NHLRC2: variants seen among roughly 807,000 people sequenced by gnomAD.
The protein encoded by NHLRC2 is NHL repeat containing 2.
NHLRC2 carries 33 observed loss-of-function variants against 68.1 expected under a neutral mutation model. The observed-to-expected ratio is 0.48, with a 90% CI of 0.37 to 0.65. The LOEUF (loss-of-function observed/expected upper bound fraction) is 0.65, where lower values mean the gene tolerates loss of function less well. Among genes scored for constraint, NHLRC2 ranks in the 30% least tolerant of loss-of-function variants. The probability of loss-of-function intolerance (pLI) is 0.00; values close to 1 mark genes in which losing one functional copy is unlikely to be tolerated. For synonymous variants in NHLRC2, 311 were observed against 309.6 expected (o/e 1.00, Z -0.05); for missense variants, 761 against 853.8 (o/e 0.89, Z 1.35).
chr10:113,854,827 G>A lies in NHLRC2; in HGVS notation c.-46G>A, dbSNP rs1263872833. 6.6e-7 allele frequency: 1 copy of A among 1,506,428 alleles called. No homozygotes were observed. The highest frequency in any genetic ancestry group is 1.4e-5 in the African/African-American group (1 of 71,732). The allele number at this position is 1,506,428 out of a possible 1,614,324, so 93.3% of individuals were successfully genotyped here. The stretch of plus-strand genomic sequence containing the variant: ...GTGAACGTTTCGTCTCTCCCAGCGA[G>A]ACTCTCCCGCGGGCCCGGCGGCCGC... On this transcript the variant is annotated 5_prime_UTR_variant, in exon 1 of 11. Transcript: ENST00000369301.
At chr10:113,891,681 T>G (rs900687204) in intron 5 of NHLRC2, among the ~76,000 whole-genome samples, 10 of 152,206 alleles carry the variant, frequency 6.6e-5, no homozygotes, top group Non-Finnish European at 1.3e-4. Context: ...CCCTGTACAA[T>G]GAAGCCACAT....
chr10:113,902,669 C>T (rs879637169), intron 8 of NHLRC2, 76 bp downstream of exon 8: 4 of 1,187,198 alleles, frequency 3.4e-6, no homozygotes, highest in Non-Finnish European at 4.9e-6. Flanking sequence ...CTGTGAGCCT[C>T]CTACAACTGC....
intron 10 of NHLRC2, among the ~76,000 whole-genome samples, 165 bp from the exon 11 acceptor site, chr10:113,908,115 C>T (rs1846291728): frequency 6.6e-6 from 1 of 152,034 alleles, no homozygotes; most frequent in Non-Finnish European, 1.5e-5. Flanking sequence ...AATGAGTGGT[C>T]AGTATATGTT....
At chr10:113,858,247 A>G (rs541148242) in intron 1 of NHLRC2, among the ~76,000 whole-genome samples, 1 of 151,344 alleles carries the variant, frequency 6.6e-6, no homozygotes, top group Admixed American at 6.6e-5. Context: ...TGGGCTTTTA[A>G]TCTCTGCTAA....
intron 5 of NHLRC2, among the ~76,000 whole-genome samples, chr10:113,887,451 A>G (rs1389457844): frequency 6.6e-6 from 1 of 152,204 alleles, no homozygotes; most frequent in Non-Finnish European, 1.5e-5. Flanking sequence ...CCAAGTGTCC[A>G]TCAGTGGATG....
Position 113,908,567 on chromosome 10 carries a change from C to G in NHLRC2, c.*31C>G. On this transcript the variant is annotated 3_prime_UTR_variant, in exon 11 of 11. Coordinates refer to ENST00000369301, the MANE Select transcript of NHLRC2 (RefSeq NM_198514.4). ...CAGCTAGCTAGCAACCCATTGCCAC[C>G]ACCTACTGTCTCCCATCCTGACTAT... 1 of 1,610,356 alleles carries G rather than the reference C, an allele frequency of 6.2e-7. No homozygotes were observed. Among genetic ancestry groups the G allele is most frequent in the Non-Finnish European group, 8.5e-7 (1 of 1,177,510 alleles).
chr10:113,857,488 A>G (rs1447563086), intron 1 of NHLRC2, among the ~76,000 whole-genome samples: 1 of 152,142 alleles, frequency 6.6e-6, no homozygotes, highest in Admixed American at 6.5e-5. Context: ...ATTGAGTAAC[A>G]ACAGTTATTG....
Position 113,854,689 on chromosome 10 carries a change from C to T in NHLRC2, c.-184C>T. Reference sequence around the variant, plus strand: ...TTAATTACGTCCCCGGGAACTGCGCCGATTTGGACTTTTGGCACTTGGACC... The same window carrying T: ...TTAATTACGTCCCCGGGAACTGCGCTGATTTGGACTTTTGGCACTTGGACC... On this transcript the variant is annotated 5_prime_UTR_variant, in exon 1 of 11. Coordinates refer to ENST00000369301, the MANE Select transcript of NHLRC2 (RefSeq NM_198514.4). The T allele has an allele frequency of 3.5e-6, 2 of 567,748 alleles. No individual in the cohort carries two copies. Among genetic ancestry groups the T allele is most frequent in the Non-Finnish European group, 6.2e-6 (2 of 324,822 alleles). 35.2% of individuals were successfully genotyped at this position (567,748 alleles called of 1,614,324 possible). A position where few individuals can be genotyped will look rare whatever the true frequency, so the allele number is the denominator to read the frequency against.
Position 113,915,810 on chromosome 10 carries a change from T to TA in NHLRC2, c.*7278dup. On this transcript the variant is annotated 3_prime_UTR_variant, in exon 11 of 11. Coordinates refer to ENST00000369301, the MANE Select transcript of NHLRC2 (RefSeq NM_198514.4). ...TGCCACCACACCTGGCTAATTTTTT[T>TA]AAAATTTTTTGTAGAGATGGGGACT... is the stretch of plus-strand genomic sequence containing the variant. The TA allele has an allele frequency of 6.6e-6, 1 of 152,598 alleles. No individual in the cohort carries two copies. The highest frequency in any genetic ancestry group is 2.1e-4 in the South Asian group (1 of 4,818). The allele number at this position is 152,598 out of a possible 1,614,324, so 9.5% of individuals were successfully genotyped here.
chr10:113,859,881 GA>G (rs1394381510), intron 2 of NHLRC2, among the ~76,000 whole-genome samples: 2 of 152,168 alleles, frequency 1.3e-5, no homozygotes, highest in Non-Finnish European at 2.9e-5. Flanking sequence ...GCTAGAACTT[GA>G]AAAATAAGCA....
In NHLRC2 at chr10:113,916,415, T is replaced by A. The variant is rs12770466; in HGVS notation, c.*7879T>A. On this transcript the variant is annotated 3_prime_UTR_variant, in exon 11 of 11. Coordinates refer to ENST00000369301, the MANE Select transcript of NHLRC2 (RefSeq NM_198514.4). ...CAGAACAATTTTGTTGTAGTATTTTTTTCCGTAGCATTTCTTAATAATAGC... is the reference window on the plus strand; with the variant it reads ...CAGAACAATTTTGTTGTAGTATTTTATTCCGTAGCATTTCTTAATAATAGC... 1 of 152,236 alleles carries A rather than the reference T, an allele frequency of 6.6e-6. No individual in the cohort carries two copies. Among genetic ancestry groups the A allele is most frequent in the Admixed American group, 6.5e-5 (1 of 15,282 alleles). The allele number at this position is 152,236 out of a possible 1,614,324, so 9.4% of individuals were successfully genotyped here.
intron 1 of NHLRC2, among the ~76,000 whole-genome samples, chr10:113,856,849 A>G (rs1845764362): frequency 6.6e-6 from 1 of 152,170 alleles, no homozygotes; most frequent in Non-Finnish European, 1.5e-5. Flanking sequence ...CTTTATTTGA[A>G]AAACTGTATG....
rs192497599 is a variant in NHLRC2, at chr10:113,908,810, G to A, written c.*274G>A. ...TGCTGCTATTTGGCACAAGACTGAAGTTCACACTACAGTAGAGAATACTAT... is the reference window on the plus strand; with the variant it reads ...TGCTGCTATTTGGCACAAGACTGAAATTCACACTACAGTAGAGAATACTAT... On this transcript the variant is annotated 3_prime_UTR_variant, in exon 11 of 11. Transcript: ENST00000369301. The A allele has an allele frequency of 2.3e-5, 10 of 437,334 alleles. No homozygotes were observed. The East Asian group carries it at 4.1e-4, about 18-fold the overall frequency. The allele number at this position is 437,334 out of a possible 1,614,324, so 27.1% of individuals were successfully genotyped here. A position where few individuals can be genotyped will look rare whatever the true frequency, so the allele number is the denominator to read the frequency against.
In NHLRC2 at chr10:113,915,066, T is replaced by A; in HGVS notation, c.*6530T>A. ...CCTGTTTCTGAGTGTGTTGGTTTGGTTTAATTCTTTTCAAGGGTTGGAGTT... is the reference window on the plus strand; with the variant it reads ...CCTGTTTCTGAGTGTGTTGGTTTGGATTAATTCTTTTCAAGGGTTGGAGTT... On this transcript the variant is annotated 3_prime_UTR_variant, in exon 11 of 11. Coordinates refer to ENST00000369301, the MANE Select transcript of NHLRC2 (RefSeq NM_198514.4). 2.2e-6 allele frequency: 1 copy of A among 456,228 alleles called. No individual in the cohort carries two copies. Among genetic ancestry groups the A allele is most frequent in the Non-Finnish European group, 4.4e-6 (1 of 226,960 alleles). The allele number at this position is 456,228 out of a possible 1,614,324, so 28.3% of individuals were successfully genotyped here.
At chr10:113,864,280 G>C (rs541364188) in intron 2 of NHLRC2, among the ~76,000 whole-genome samples, 1 of 152,182 alleles carries the variant, frequency 6.6e-6, no homozygotes, top group Admixed American at 6.5e-5. Context: ...TCAGTTTTGC[G>C]AGATGAAATG....
chr10:113,864,441 T>C (rs1271741623), intron 2 of NHLRC2, among the ~76,000 whole-genome samples: 1 of 152,188 alleles, frequency 6.6e-6, no homozygotes, highest in Non-Finnish European at 1.5e-5. Context: ...GTCTCACGCC[T>C]ATAATCCCAG....
At chr10:113,885,974 G>C in intron 5 of NHLRC2, among the ~76,000 whole-genome samples, 1 of 151,974 alleles carries the variant, frequency 6.6e-6, no homozygotes, top group Non-Finnish European at 1.5e-5. Flanking sequence ...CTGATGACAT[G>C]ATTTTATATG....
chr10:113,875,781 T>G (rs1242668880), intron 2 of NHLRC2, among the ~76,000 whole-genome samples: 1 of 152,180 alleles, frequency 6.6e-6, no homozygotes, highest in Non-Finnish European at 1.5e-5. Context: ...TTGTGTGGTT[T>G]TATTTGTTCA....
intron 1 of NHLRC2, among the ~76,000 whole-genome samples, chr10:113,856,541 G>A (rs1359381448): frequency 6.6e-6 from 1 of 152,094 alleles, no homozygotes; most frequent in Non-Finnish European, 1.5e-5. Flanking sequence ...AAAAGTTTTG[G>A]TGCAGAAGGT....
Sources: allele counts gnomAD v4.1 joint callset (sites outside exome capture counted in the v4.1 genomes callset), GRCh38; gene constraint gnomAD v4.1.1; transcripts MANE v1.5; gene names NCBI Gene and HGNC (gene_info 2026-07-23, HGNC 2026-07-21).